The following PPP1R12B variants were observed in gnomAD, a reference collection of about 807,000 sequenced individuals.
PPP1R12B encodes the protein protein phosphatase 1 regulatory subunit 12B, also known as myosin phosphatase target subunit 2.
PPP1R12B carries 76 observed loss-of-function variants against 126.1 expected under a neutral mutation model. The observed-to-expected ratio is 0.60, with a 90% CI of 0.50 to 0.73. The LOEUF (loss-of-function observed/expected upper bound fraction) is 0.73. Among genes scored for constraint, PPP1R12B ranks in the 30% least tolerant of loss-of-function variants. The probability of loss-of-function intolerance (pLI) is 0.00; values close to 1 mark genes in which losing one functional copy is unlikely to be tolerated. For synonymous variants in PPP1R12B, 356 were observed against 434.7 expected, an observed-to-expected ratio of 0.82 and a Z score of 2.25; for missense variants, 1,052 against 1,205.1, an observed-to-expected ratio of 0.87 and a Z score of 1.88.
intron 1 of PPP1R12B, among the ~76,000 whole-genome samples, chr1:202,362,671 T>TG (rs397697495): frequency 6.6e-6 from 1 of 151,720 alleles, no homozygotes; most frequent in Non-Finnish European, 1.5e-5. Flanking sequence ...TTTTTTTTTT[T>TG]GTAATAAGGA....
rs188837769 is a variant in PPP1R12B at position 202,405,919 on chromosome 1, A to G, written c.292-10868A>G. On this transcript the variant is annotated intron_variant, in intron 1 of 23. Coordinates refer to ENST00000608999, the MANE Select transcript of PPP1R12B (RefSeq NM_002481.4). ...TTGATGAAAATATGCTGGGAAAATA[A>G]TAACCTTTTATTTAATATCTCCTTT... Among the ~76,000 whole-genome samples, 13 of 152,380 alleles carry G rather than the reference A, an allele frequency of 8.5e-5. No homozygotes were observed. In the South Asian group the frequency reaches 1.0e-3, roughly 12 times the overall value.
chr1:202,355,393 A>G (rs560657831), intron 1 of PPP1R12B, among the ~76,000 whole-genome samples: 31 of 152,352 alleles, frequency 2.0e-4, no homozygotes, highest in Non-Finnish European at 3.5e-4. Flanking sequence ...AGAGTTCCAA[A>G]TTCTATGATA....
At chr1:202,541,640 C>T (rs1685138934) in intron 18 of PPP1R12B, among the ~76,000 whole-genome samples, 1 of 152,150 alleles carries the variant, frequency 6.6e-6, no homozygotes, top group Admixed American at 6.5e-5. Flanking sequence ...TTGTAAAGAT[C>T]CCCTTATTAA....
Position 202,576,111 on chromosome 1 carries a change from A to G in PPP1R12B, c.2863-4363A>G, listed in dbSNP as rs536027340. The G allele has an allele frequency of 2.0e-5, 3 of 152,350 alleles. No individual in the cohort carries two copies. In the East Asian group the frequency reaches 5.8e-4, roughly 29 times the overall value. The allele number at this position is 152,350 out of a possible 1,614,324, so 9.4% of individuals were successfully genotyped here. ...TGGGCTGTGAGGCAGAACACAGCCT[A>G]TATAAATGAGACCCTCATGGAGCCA... On this transcript the variant is annotated intron_variant, in intron 23 of 23. Coordinates refer to ENST00000608999, the MANE Select transcript of PPP1R12B (RefSeq NM_002481.4).
chr1:202,362,061 A>G (rs544799926), intron 1 of PPP1R12B, among the ~76,000 whole-genome samples: 86 of 150,276 alleles, frequency 5.7e-4, no homozygotes, highest in African/African-American at 2.0e-3. Context: ...GGGGAGGCAG[A>G]TTACTTTTTT....
intron 18 of PPP1R12B, among the ~76,000 whole-genome samples, chr1:202,524,877 A>G (rs963293235): frequency 6.6e-6 from 1 of 151,916 alleles, no homozygotes; most frequent in Non-Finnish European, 1.5e-5. Context: ...TAGGAATCCA[A>G]TTTTATTTTT....
chr1:202,547,113 C>G (rs1685727599), intron 18 of PPP1R12B, among the ~76,000 whole-genome samples: 1 of 152,128 alleles, frequency 6.6e-6, no homozygotes, highest in Non-Finnish European at 1.5e-5. Context: ...TTTTCAGTAC[C>G]TAACCTAAGC....
intron 17 of PPP1R12B, among the ~76,000 whole-genome samples, chr1:202,496,026 A>G (rs1175852055): frequency 6.6e-6 from 1 of 152,236 alleles, no homozygotes; most frequent in East Asian, 1.9e-4. Flanking sequence ...CCTGAATGTC[A>G]TGTAGTGAGT....
chr1:202,548,442 C>T (rs1407965331), intron 18 of PPP1R12B, among the ~76,000 whole-genome samples: 1 of 152,018 alleles, frequency 6.6e-6, no homozygotes, highest in Non-Finnish European at 1.5e-5. Flanking sequence ...CTCACTGCAG[C>T]CTCAAACTCC....
chr1:202,455,280 ATT>A (rs1331685507), intron 13 of PPP1R12B, among the ~76,000 whole-genome samples: 1 of 152,206 alleles, frequency 6.6e-6, no homozygotes, highest in Admixed American at 6.5e-5. Context: ...TTTTTAGTAT[ATT>A]CACAGATATG....
intron 8 of PPP1R12B, among the ~76,000 whole-genome samples, chr1:202,434,119 C>T (rs1398251880): frequency 1.3e-5 from 2 of 152,126 alleles, no homozygotes; most frequent in African/African-American, 2.4e-5. Context: ...TTACTTTGCA[C>T]CACACTTAAA....
intron 13 of PPP1R12B, among the ~76,000 whole-genome samples, chr1:202,460,195 T>C (rs1361221845): frequency 6.6e-6 from 1 of 152,246 alleles, no homozygotes; most frequent in African/African-American, 2.4e-5. Context: ...CTTTTCTTTG[T>C]AGAAATGGTT....
In PPP1R12B at chr1:202,506,697, C is replaced by T. The variant is rs561908709; in HGVS notation, c.2490+9875C>T. Reference sequence around the variant, plus strand: ...ATTAGTTTGTGTTAGTGACTTGTGACCTTATGTCTTTTTATTATAGGAACA... The same window carrying T: ...ATTAGTTTGTGTTAGTGACTTGTGATCTTATGTCTTTTTATTATAGGAACA... On this transcript the variant is annotated intron_variant, in intron 18 of 23. Transcript: ENST00000608999. Among the ~76,000 whole-genome samples, 4 of 152,138 alleles carry T rather than the reference C, an allele frequency of 2.6e-5. No individual in the cohort carries two copies. In the East Asian group the frequency reaches 7.7e-4, roughly 29 times the overall value.
chr1:202,407,331 A>T (rs907491663), intron 1 of PPP1R12B, among the ~76,000 whole-genome samples: 3 of 152,172 alleles, frequency 2.0e-5, no homozygotes, highest in African/African-American at 7.2e-5. Context: ...TTGAAGGGAG[A>T]TGTTCTCTGG....
chr1:202,433,086 C>T (rs770268073), intron 8 of PPP1R12B, among the ~76,000 whole-genome samples: 4 of 152,210 alleles, frequency 2.6e-5, no homozygotes, highest in Non-Finnish European at 4.4e-5. Flanking sequence ...ACCTTTTATT[C>T]ATTGAGACTT....
Position 202,434,699 on chromosome 1 carries a change from C to T in PPP1R12B, c.1185C>T (p.Ser395=). ...EAFVNHSNSE[S]KSSITEQIPA... ...TTGTCAATCATTCCAACTCTGAAAG[C>T]AAGAGTAGTATCACAGAGCAGATAC... The change falls in exon 9 of 24, where the codon AGC becomes AGT. Residue 395 remains serine (S), a synonymous_variant. Transcript: ENST00000608999. The T allele has an allele frequency of 1.2e-6, 2 of 1,613,534 alleles. No individual in the cohort carries two copies. The highest frequency in any genetic ancestry group is 1.7e-6 in the Non-Finnish European group (2 of 1,179,860).
chr1:202,569,118 T>C (rs1572540484), intron 22 of PPP1R12B, 29 bp from the exon 23 acceptor site: 13 of 1,608,332 alleles, frequency 8.1e-6, no homozygotes, highest in Admixed American at 1.7e-5. Context: ...AATTCAATAA[T>C]GTTCAACAGT....
chr1:202,370,412 T>C (rs893208528), intron 1 of PPP1R12B, among the ~76,000 whole-genome samples: 5 of 151,348 alleles, frequency 3.3e-5, no homozygotes, highest in Non-Finnish European at 7.4e-5. Flanking sequence ...AGTTATTTCC[T>C]TTTTTTTGCT....
At chr1:202,531,724 C>G (rs1438707064) in intron 18 of PPP1R12B, among the ~76,000 whole-genome samples, 2 of 152,126 alleles carry the variant, frequency 1.3e-5, no homozygotes, top group Non-Finnish European at 2.9e-5. Flanking sequence ...TATATTGTAT[C>G]TACTCAGAAG....
Sources: allele counts gnomAD v4.1 joint callset (sites outside exome capture counted in the v4.1 genomes callset), GRCh38; gene constraint gnomAD v4.1.1; transcripts MANE v1.5; gene names NCBI Gene and HGNC (gene_info 2026-07-23, HGNC 2026-07-21).